The following KANK1 variants were observed in gnomAD, a reference collection of about 807,000 sequenced individuals.
KANK1 encodes the protein KN motif and ankyrin repeat domains 1.
KANK1 carries 109 observed loss-of-function variants against 106.2 expected under a neutral mutation model. The observed-to-expected ratio is 1.03, with a 90% confidence interval of 0.88 to 1.20. KANK1 has a LOEUF of 1.20. KANK1 is among the 50% of genes most tolerant of loss of function. The pLI is 0.00. For missense variants in KANK1, 2,399 were observed against 1,710.7 expected, an observed-to-expected ratio of 1.40 and a Z score of -7.10; for synonymous variants, 873 against 652.2, an observed-to-expected ratio of 1.34 and a Z score of -5.16.
intron 2 of KANK1, among the ~76,000 whole-genome samples, chr9:697,525 G>A (rs10115726): frequency 1.3e-5 from 2 of 152,050 alleles, no homozygotes; most frequent in Non-Finnish European, 2.9e-5. Context: ...ATTCTGAGAC[G>A]ACATCAGTAT....
chr9:708,973 TTG>T (rs1415303051), intron 2 of KANK1, among the ~76,000 whole-genome samples: 1 of 152,270 alleles, frequency 6.6e-6, no homozygotes, highest in East Asian at 1.9e-4. Flanking sequence ...TGAAAGGTTC[TTG>T]TGTTTCCTCT....
chr9:594,084 A>C lies in KANK1; in HGVS notation c.-83-82806A>C, dbSNP rs115194766. On this transcript the variant is annotated intron_variant, in intron 1 of 11. Transcript: ENST00000382297. ...CGAGAGAACTGTAAGGTCTGCTGTA[A>C]GTGATGGGGGCTGTGGACTTATGCA... 6.9e-3 allele frequency among the ~76,000 whole-genome samples: 1,049 copies of C among 151,934 alleles called. 42 individuals are homozygous for C. Among genetic ancestry groups the C allele is most frequent in the African/African-American group, 0.024 (994 of 41,220 alleles).
chr9:720,049 ATAAT>A (rs1389464521), intron 3 of KANK1, among the ~76,000 whole-genome samples: 5 of 152,248 alleles, frequency 3.3e-5, no homozygotes, highest in Non-Finnish European at 7.3e-5. Context: ...CTTCGGAATG[ATAAT>A]TAATGCATCA....
At chr9:741,551 G>A (rs533717218) in intron 9 of KANK1, among the ~76,000 whole-genome samples, 11 of 149,204 alleles carry the variant, frequency 7.4e-5, no homozygotes, top group African/African-American at 1.7e-4. Flanking sequence ...GCAGTGGTGC[G>A]ATCTTGGCTC....
chr9:706,358 A>G (rs886100055), intron 2 of KANK1, among the ~76,000 whole-genome samples: 1 of 152,234 alleles, frequency 6.6e-6, no homozygotes, highest in African/African-American at 2.4e-5. Context: ...GAAATAACTA[A>G]AGATGGACCA....
chr9:509,063 A>T (rs1159614823), intron 1 of KANK1, among the ~76,000 whole-genome samples: 8 of 152,108 alleles, frequency 5.3e-5, no homozygotes. Flanking sequence ...AGAGCAGTAG[A>T]TCTGCAGAGT....
intron 1 of KANK1, among the ~76,000 whole-genome samples, chr9:509,674 A>G (rs906434675): frequency 2.6e-5 from 4 of 152,172 alleles, no homozygotes; most frequent in African/African-American, 9.7e-5. Context: ...CTTTGTGCAT[A>G]TAGTTTTTAC....
chr9:520,493 T>A (rs552247308), intron 1 of KANK1, among the ~76,000 whole-genome samples: 1 of 151,716 alleles, frequency 6.6e-6, no homozygotes, highest in Non-Finnish European at 1.5e-5. Context: ...GGTTAATTCT[T>A]CCATCTGGAG....
chr9:624,349 G>C (rs1833862013), intron 1 of KANK1, among the ~76,000 whole-genome samples: 1 of 152,136 alleles, frequency 6.6e-6, no homozygotes, highest in African/African-American at 2.4e-5. Flanking sequence ...AACTATGTGT[G>C]ATGACAGATG....
chr9:645,495 G>T (rs2137322233), intron 1 of KANK1, among the ~76,000 whole-genome samples: 2 of 126,966 alleles, frequency 1.6e-5, no homozygotes, highest in South Asian at 2.7e-4. Context: ...AATAAAAGAA[G>T]TCATATTTTT....
intron 2 of KANK1, among the ~76,000 whole-genome samples, chr9:698,567 G>A (rs919564692): frequency 1.3e-5 from 2 of 152,170 alleles, no homozygotes; most frequent in African/African-American, 4.8e-5. Flanking sequence ...TCAGCCCAGA[G>A]TAGCTGGAAT....
intron 7 of KANK1, among the ~76,000 whole-genome samples, chr9:737,919 A>G (rs1405692003): frequency 2.0e-5 from 3 of 152,208 alleles, no homozygotes; most frequent in African/African-American, 4.8e-5. Flanking sequence ...CACAGAAACT[A>G]TGAAAGCATG....
At chr9:481,558 A>G (rs1409922280) in intron 3 of KANK1, among the ~76,000 whole-genome samples, 1 of 152,200 alleles carries the variant, frequency 6.6e-6, no homozygotes. Context: ...ACTCAAAACT[A>G]CTTTAAAATA....
chr9:548,466 A>G (rs569166955), intron 1 of KANK1, among the ~76,000 whole-genome samples: 22 of 152,258 alleles, frequency 1.4e-4, no homozygotes, highest in African/African-American at 4.8e-4. Context: ...ATGCCCTCAC[A>G]TGCTTTCTGG....
chr9:740,881 C>G lies in KANK1; in HGVS notation c.3643C>G (p.Arg1215Gly). 2 of 1,614,012 alleles carry G rather than the reference C, an allele frequency of 1.2e-6. No individual in the cohort carries two copies. Among genetic ancestry groups the G allele is most frequent in the Non-Finnish European group, 1.7e-6 (2 of 1,180,034 alleles). ...CGCTGTGGAAGCAGAGAAGGACATG[C>G]GGATTGTGGAAGAACTCTTCGGCTG... ...LAAVEAEKDM[R>G]IVEELFGCGD... is the part of the protein sequence containing the mutation. The change falls in exon 9 of 12, where the codon CGG becomes GGG. Residue 1215 changes from arginine to glycine, a missense_variant. Arg to Gly is a moderately radical substitution (Grantham distance 125). Transcript: ENST00000382297.
intron 1 of KANK1, among the ~76,000 whole-genome samples, chr9:598,628 T>TTTTTTTTTC (rs1563833743): frequency 4.3e-4 from 43 of 99,928 alleles, no homozygotes; most frequent in Non-Finnish European, 6.2e-4. Flanking sequence ...TTCTTTTTTT[T>TTTTTTTTTC]TTTTTTTTTT....
intron 1 of KANK1, among the ~76,000 whole-genome samples, chr9:505,687 T>A (rs1228161588): frequency 2.0e-5 from 3 of 152,196 alleles, no homozygotes; most frequent in Non-Finnish European, 4.4e-5. Flanking sequence ...ATTTATGGCG[T>A]CCGCCAGCGC....
chr9:548,587 T>C (rs893913702), intron 1 of KANK1, among the ~76,000 whole-genome samples: 2 of 152,158 alleles, frequency 1.3e-5, no homozygotes, highest in Admixed American at 6.5e-5. Flanking sequence ...AAAATTCCAA[T>C]AGTTGTAATA....
intron 1 of KANK1, among the ~76,000 whole-genome samples, chr9:618,933 A>C (rs1284299871): frequency 6.6e-6 from 1 of 152,226 alleles, no homozygotes; most frequent in African/African-American, 2.4e-5. Context: ...GAAAAATAGA[A>C]AATTAGAGAA....
Sources: allele counts gnomAD v4.1 joint callset (sites outside exome capture counted in the v4.1 genomes callset), GRCh38; gene constraint gnomAD v4.1.1; transcripts MANE v1.5; gene names NCBI Gene and HGNC (gene_info 2026-07-23, HGNC 2026-07-21).